Variants in HNF4G observed in about 807,000 individuals in gnomAD.
HNF4G encodes the protein hepatocyte nuclear factor 4-gamma.
In HNF4G, 21 loss-of-function variants were observed where a neutral mutation model predicts 50.9. The ratio of observed to expected loss-of-function variants is 0.41; its 90% confidence interval spans 0.29 to 0.59. The LOEUF is 0.59. Ranked by LOEUF, HNF4G falls within the 20% of genes least tolerant of loss-of-function variation. HNF4G has a pLI of 0.26. For missense variants in HNF4G, 527 were observed against 559.4 expected, an observed-to-expected ratio of 0.94 and a Z score of 0.58; for synonymous variants, 198 against 185.6, an observed-to-expected ratio of 1.07 and a Z score of -0.54.
chr8:75,558,374 A>G, intron 6 of HNF4G, 144 bp from the exon 7 acceptor site: 1 of 670,004 alleles, frequency 1.5e-6, no homozygotes, highest in South Asian at 2.2e-5. Flanking sequence ...ATAACTAACA[A>G]CACCACTGAG....
intron 1 of HNF4G, among the ~76,000 whole-genome samples, chr8:75,465,686 G>T (rs914514041): frequency 1.3e-5 from 2 of 151,838 alleles, no homozygotes; most frequent in African/African-American, 4.8e-5. Flanking sequence ...AACTAATTTA[G>T]GAAGTACAAC....
intron 1 of HNF4G, among the ~76,000 whole-genome samples, chr8:75,459,068 C>G (rs1811786964): frequency 6.6e-6 from 1 of 152,072 alleles, no homozygotes; most frequent in South Asian, 2.1e-4. Context: ...CTTACAGTGA[C>G]TACATTCATT....
chr8:75,454,617 T>C (rs1036760515), intron 1 of HNF4G, among the ~76,000 whole-genome samples: 2 of 152,174 alleles, frequency 1.3e-5, no homozygotes, highest in Admixed American at 1.3e-4. Flanking sequence ...CCGCTGTGCT[T>C]GCCACAGAAG....
intron 1 of HNF4G, among the ~76,000 whole-genome samples, chr8:75,541,866 G>A (rs1201495110): frequency 6.6e-6 from 1 of 152,014 alleles, no homozygotes; most frequent in Non-Finnish European, 1.5e-5. Flanking sequence ...CTAAAAGCTG[G>A]AAAACAGAGG....
chr8:75,486,654 T>G (rs1333703278), intron 1 of HNF4G, among the ~76,000 whole-genome samples: 1 of 152,114 alleles, frequency 6.6e-6, no homozygotes. Context: ...AAACAAAAAT[T>G]TTCTATGCTG....
intron 1 of HNF4G, among the ~76,000 whole-genome samples, chr8:75,461,924 A>T (rs71529213): frequency 7.9e-6 from 1 of 127,336 alleles, no homozygotes; most frequent in South Asian, 2.4e-4. Flanking sequence ...ATATATATAT[A>T]TATATTTTTT....
chr8:75,414,716 T>A (rs1325048308), intron 1 of HNF4G, among the ~76,000 whole-genome samples: 1 of 152,262 alleles, frequency 6.6e-6, no homozygotes, highest in South Asian at 2.1e-4. Flanking sequence ...GTTGCATGTA[T>A]CAATAGTTGT....
In HNF4G at chr8:75,553,185, A is replaced by G. The variant is rs1474105853; in HGVS notation, c.633A>G (p.Pro211=). Residue 211 remains proline (P), a synonymous_variant, in exon 5 of 10, where the codon CCA becomes CCG. Transcript: ENST00000396423. Reference sequence around the variant, plus strand: ...ATATTCCTGCCTTCTGTGAATTACCATTGGATGATCAGGTACACATTTAAA... The same window carrying G: ...ATATTCCTGCCTTCTGTGAATTACCGTTGGATGATCAGGTACACATTTAAA... ...AKYIPAFCEL[P]LDDQVALLRA... 6.2e-7 allele frequency: 1 copy of G among 1,612,286 alleles called. No individual in the cohort carries two copies. Among genetic ancestry groups the G allele is most frequent in the Non-Finnish European group, 8.5e-7 (1 of 1,178,904 alleles).
intron 1 of HNF4G, among the ~76,000 whole-genome samples, chr8:75,455,603 A>G (rs1199538510): frequency 6.6e-6 from 1 of 152,150 alleles, no homozygotes; most frequent in African/African-American, 2.4e-5. Flanking sequence ...TAATTAAGAA[A>G]ATGTTCTTCT....
Position 75,464,025 on chromosome 8 carries a change from C to T in HNF4G, c.-143-26064C>T, listed in dbSNP as rs1323748510. Among the ~76,000 whole-genome samples, 4 of 152,204 alleles carry T rather than the reference C, an allele frequency of 2.6e-5. No homozygotes were observed. The South Asian group carries it at 6.2e-4, about 24-fold the overall frequency. ...CCAACCTCAGGTGATCCACCTGCCT[C>T]AACCTCTGAAAGTGCTGGGATTACA... On this transcript the variant is annotated intron_variant, in intron 1 of 10. Coordinates refer to the HNF4G transcript ENST00000354370.
intron 1 of HNF4G, among the ~76,000 whole-genome samples, chr8:75,437,483 T>C (rs1350751134): frequency 3.3e-5 from 5 of 152,176 alleles, no homozygotes; most frequent in Admixed American, 1.3e-4. Context: ...CACTGCTAAG[T>C]ATATGTCGGG....
intron 1 of HNF4G, among the ~76,000 whole-genome samples, chr8:75,444,158 A>G (rs1811362643): frequency 6.6e-6 from 1 of 151,896 alleles, no homozygotes; most frequent in South Asian, 2.1e-4. Flanking sequence ...TCAACCCAGA[A>G]TTTCATATCC....
At chr8:75,467,787 C>A (rs748878630) in intron 1 of HNF4G, among the ~76,000 whole-genome samples, 1 of 151,846 alleles carries the variant, frequency 6.6e-6, no homozygotes, top group African/African-American at 2.4e-5. Flanking sequence ...TTTAAAATGT[C>A]ATTCCCAGAT....
intron 1 of HNF4G, among the ~76,000 whole-genome samples, chr8:75,423,100 T>C (rs1487976699): frequency 6.6e-6 from 1 of 152,154 alleles, no homozygotes; most frequent in Non-Finnish European, 1.5e-5. Flanking sequence ...CTTTCTTCCT[T>C]GACCTCCTAT....
intron 1 of HNF4G, among the ~76,000 whole-genome samples, chr8:75,478,728 T>TG (rs1812300698): frequency 6.6e-6 from 1 of 151,282 alleles, no homozygotes; most frequent in South Asian, 2.1e-4. Context: ...TTTTCTTTTT[T>TG]CTTTTTTGAG....
chr8:75,449,718 C>T (rs111233397), intron 1 of HNF4G, among the ~76,000 whole-genome samples: 4 of 151,412 alleles, frequency 2.6e-5, no homozygotes, highest in African/African-American at 4.9e-5. Context: ...CGTGTTAGCC[C>T]GGATGGTCTC....
intron 1 of HNF4G, among the ~76,000 whole-genome samples, chr8:75,414,875 T>C (rs746077728): frequency 6.6e-6 from 1 of 152,228 alleles, no homozygotes; most frequent in Non-Finnish European, 1.5e-5. Flanking sequence ...CAAGTCTTGG[T>C]GTGTACACTT....
chr8:75,460,667 T>A (rs1221797431), intron 1 of HNF4G, among the ~76,000 whole-genome samples: 1 of 152,154 alleles, frequency 6.6e-6, no homozygotes, highest in East Asian at 1.9e-4. Context: ...TTCTATTACA[T>A]TCAGAGCCAT....
At chr8:75,515,095 T>C (rs1805855857) in intron 2 of HNF4G, among the ~76,000 whole-genome samples, 1 of 152,212 alleles carries the variant, frequency 6.6e-6, no homozygotes, top group Admixed American at 6.5e-5. Flanking sequence ...AATGTCTATG[T>C]ATTGCTTTGT....
Sources: gnomAD v4.1 joint callset for allele counts (sites outside exome capture counted in the v4.1 genomes callset) on GRCh38, gnomAD v4.1.1 for gene constraint, MANE v1.5 for transcripts, NCBI Gene and HGNC (gene_info 2026-07-23, HGNC 2026-07-21) for gene names.